EYS: variants seen among roughly 807,000 people sequenced by gnomAD.
EYS encodes the protein EGF-like photoreceptor maintenance factor.
EYS carries 250 observed loss-of-function variants against 282.1 expected under a neutral mutation model. That is an observed-to-expected ratio of 0.89 (90% confidence interval 0.80 to 0.98). EYS has a LOEUF of 0.98. EYS is among the 50% of genes least tolerant of loss of function. The pLI, the probability that EYS is intolerant of heterozygous loss-of-function variation, is 0.00. For missense variants in EYS, 4,016 were observed against 3,709.0 expected (o/e 1.08, Z -2.15); for synonymous variants, 1,355 against 1,282.9 (o/e 1.06, Z -1.20).
At position 65,145,502 on chromosome 6, in the gene EYS, C is replaced by T. The variant is rs116592708; in HGVS notation, c.2024-87775G>A. Among the ~76,000 whole-genome samples the T allele has an allele frequency of 4.9e-3, 714 of 146,924 alleles. 4 individuals carry two copies. The highest frequency in any genetic ancestry group is 0.016 in the African/African-American group (631 of 39,070). On this transcript the variant is annotated intron_variant, in intron 12 of 42. Coordinates refer to ENST00000503581, the MANE Select transcript of EYS (RefSeq NM_001142800.2). ...TGTATTTTAGTCCAGGTCTGTCAGA[C>T]TATGTAAGAGGAAAAAAAAAAAGGA... is the stretch of plus-strand genomic sequence containing the variant.
At chr6:64,643,503 C>A (rs1292876833) in intron 22 of EYS, among the ~76,000 whole-genome samples, 1 of 152,126 alleles carries the variant, frequency 6.6e-6, no homozygotes, top group Non-Finnish European at 1.5e-5. Context: ...CCACGTGGTC[C>A]TGGGCAGAGT....
chr6:65,669,973 A>C, intron 1 of EYS, among the ~76,000 whole-genome samples: 1 of 151,064 alleles, frequency 6.6e-6, no homozygotes, highest in East Asian at 1.9e-4. Context: ...AATAAAAATG[A>C]TTTATTGTCT....
chr6:64,721,817 G>A (rs1179439810), intron 22 of EYS, among the ~76,000 whole-genome samples: 1 of 152,068 alleles, frequency 6.6e-6, no homozygotes, highest in Non-Finnish European at 1.5e-5. Context: ...TTTGCTTATT[G>A]TTAGTTTGAA....
At chr6:65,259,595 T>C (rs1767564210) in intron 12 of EYS, among the ~76,000 whole-genome samples, 1 of 152,116 alleles carries the variant, frequency 6.6e-6, no homozygotes, top group Admixed American at 6.6e-5. Flanking sequence ...ATGAAAAATT[T>C]ATCTGTTTAG....
intron 11 of EYS, among the ~76,000 whole-genome samples, chr6:65,310,933 TAGA>T (rs1182432193): frequency 5.9e-5 from 9 of 152,238 alleles, no homozygotes; most frequent in African/African-American, 7.2e-5. Context: ...TATTTCTTAC[TAGA>T]AGGTTAGTTC....
chr6:64,695,046 T>C (rs1020404798), intron 22 of EYS, among the ~76,000 whole-genome samples: 3 of 152,036 alleles, frequency 2.0e-5, no homozygotes, highest in Admixed American at 2.0e-4. Flanking sequence ...TGTGCTCTTC[T>C]ATGGAACATT....
intron 29 of EYS, among the ~76,000 whole-genome samples, chr6:64,312,569 C>CTGTGTATCCTGACTAGGAGACATCTCCCA (rs1769761986): frequency 6.6e-6 from 1 of 152,206 alleles, no homozygotes. Flanking sequence ...TCCCTGACAC[C>CTGTGTATCCTGACTAGGAGACATCTCCCA]TGTGTATCCT....
At chr6:64,611,019 A>T (rs1053145294) in intron 24 of EYS, among the ~76,000 whole-genome samples, 16 of 152,136 alleles carry the variant, frequency 1.1e-4, no homozygotes, top group Admixed American at 3.3e-4. Context: ...CAAATTAACA[A>T]ATAAATAAAC....
chr6:64,375,571 G>T (rs1440109533), intron 29 of EYS, among the ~76,000 whole-genome samples: 1 of 152,140 alleles, frequency 6.6e-6, no homozygotes, highest in South Asian at 2.1e-4. Context: ...AGGAGATATG[G>T]CAGATACTAT....
chr6:64,900,356 G>T (rs1260232655), intron 18 of EYS, among the ~76,000 whole-genome samples: 7 of 152,148 alleles, frequency 4.6e-5, no homozygotes, highest in Non-Finnish European at 1.0e-4. Context: ...AAAAGCAATG[G>T]CAACAAAAGC....
rs776193099 is a variant in EYS, at chr6:64,590,766, G to A, written c.5101C>T (p.Leu1701=). 1.2e-5 allele frequency: 18 copies of A among 1,550,188 alleles called. No homozygotes were observed. In the East Asian group the frequency reaches 3.2e-4, roughly 27 times the overall value. The part of the protein sequence containing the change: ...ELSVSENILK[L]LKIRQYGITM... ...ATGCCATATTGTCTTATTTTCAATA[G>A]TTTTAAAATGTTTTCTGATACTGAC... The change falls in exon 26 of 43, where the codon CTA becomes TTA. Residue 1701 remains leucine (L), a synonymous_variant. Transcript: ENST00000503581.
chr6:64,493,726 G>A (rs971341852), intron 26 of EYS, among the ~76,000 whole-genome samples: 1 of 151,372 alleles, frequency 6.6e-6, no homozygotes, highest in African/African-American at 2.4e-5. Context: ...GTATACATGC[G>A]CCTATCTTAA....
chr6:65,677,514 G>A (rs1386555323), intron 1 of EYS, among the ~76,000 whole-genome samples: 2 of 151,958 alleles, frequency 1.3e-5, no homozygotes, highest in African/African-American at 4.8e-5. Context: ...TCTTAACCAA[G>A]GGAATAAATG....
At chr6:65,029,352 T>C (rs549983107) in intron 13 of EYS, among the ~76,000 whole-genome samples, 1 of 152,158 alleles carries the variant, frequency 6.6e-6, no homozygotes, top group South Asian at 2.1e-4. Context: ...TTTATGTCTA[T>C]ATATTGATAT....
intron 1 of EYS, among the ~76,000 whole-genome samples, chr6:65,660,738 C>A (rs565965000): frequency 6.6e-6 from 1 of 151,882 alleles, no homozygotes; most frequent in African/African-American, 2.4e-5. Context: ...TATTAACTTT[C>A]TGATACTGTG....
At chr6:65,204,448 G>A (rs1015359696) in intron 12 of EYS, among the ~76,000 whole-genome samples, 1 of 147,574 alleles carries the variant, frequency 6.8e-6, no homozygotes, top group African/African-American at 2.5e-5. Context: ...GCCAAATTAA[G>A]CATCATAAAC....
chr6:65,474,360 T>C (rs1437449632), intron 5 of EYS, among the ~76,000 whole-genome samples: 10 of 152,044 alleles, frequency 6.6e-5, no homozygotes, highest in Admixed American at 6.6e-4. Context: ...TCAAAAATAG[T>C]TTCAGCAAAA....
intron 12 of EYS, among the ~76,000 whole-genome samples, chr6:65,293,246 A>G (rs1768574712): frequency 7.2e-6 from 1 of 139,784 alleles, no homozygotes; most frequent in Non-Finnish European, 1.5e-5. Context: ...CAAAAGGATG[A>G]GGGAAGAATA....
At chr6:65,189,173 TTA>T (rs1765584059) in intron 12 of EYS, among the ~76,000 whole-genome samples, 1 of 151,674 alleles carries the variant, frequency 6.6e-6, no homozygotes. Context: ...TATTATATAT[TTA>T]TGATAGTAAT....
Sources: allele counts gnomAD v4.1 joint callset (sites outside exome capture counted in the v4.1 genomes callset), GRCh38; gene constraint gnomAD v4.1.1; transcripts MANE v1.5; gene names NCBI Gene and HGNC (gene_info 2026-07-23, HGNC 2026-07-21).